The following NUDT12 variants were observed in gnomAD, a reference collection of about 807,000 sequenced individuals.
NUDT12 encodes the protein nudix hydrolase 12.
In NUDT12, 42 loss-of-function variants were observed where a neutral mutation model predicts 45.7. That is an observed-to-expected ratio of 0.92 (90% CI 0.72 to 1.19). The LOEUF is 1.19. Among genes scored for constraint, NUDT12 ranks in the 50% most tolerant of loss-of-function variants. The probability of loss-of-function intolerance (pLI) is 0.00; values close to 1 mark genes in which losing one functional copy is unlikely to be tolerated. For synonymous variants in NUDT12, 206 were observed against 179.7 expected (o/e 1.15, Z -1.17); for missense variants, 590 against 533.1 (o/e 1.11, Z -1.05).
At chr5:103,560,619 A>C (rs1157936662) in intron 1 of NUDT12, among the ~76,000 whole-genome samples, 2 of 152,126 alleles carry the variant, frequency 1.3e-5, no homozygotes, top group Non-Finnish European at 2.9e-5. Context: ...GGAGAGCATT[A>C]AAACAGATGG....
Position 103,556,884 on chromosome 5 carries a change from T to G in NUDT12, c.797-786A>C, listed in dbSNP as rs529285458. Reference sequence around the variant, plus strand: ...AAATGAACAAAATAATAACAAAAATTCTAACATCGTTTAAACTGGGAAAAA... The same window carrying G: ...AAATGAACAAAATAATAACAAAAATGCTAACATCGTTTAAACTGGGAAAAA... On this transcript the variant is annotated intron_variant, in intron 3 of 6. Transcript: ENST00000230792. 3.3e-5 allele frequency among the ~76,000 whole-genome samples: 5 copies of G among 152,156 alleles called. No homozygotes were observed. In the South Asian group the frequency reaches 1.0e-3, roughly 32 times the overall value.
chr5:103,551,761 T>C (rs1220108116), intron 6 of NUDT12, among the ~76,000 whole-genome samples: 2 of 152,228 alleles, frequency 1.3e-5, no homozygotes, highest in Admixed American at 6.5e-5. Context: ...ATGTTTATTA[T>C]ACAGTTATGT....
chr5:103,554,888 G>A (rs188464532), intron 4 of NUDT12, 35 bp from the exon 5 acceptor site: 7 of 838,978 alleles, frequency 8.3e-6, no homozygotes, highest in Admixed American at 6.3e-5. Flanking sequence ...ATGAATGGCA[G>A]GAAAAACGAA....
At position 103,559,399 on chromosome 5, in the gene NUDT12, C is replaced by G; in HGVS notation, c.276G>C (p.Lys92Asn). The G allele has an allele frequency of 6.2e-7, 1 of 1,611,794 alleles. No homozygotes were observed. The highest frequency in any genetic ancestry group is 8.5e-7 in the Non-Finnish European group (1 of 1,179,054). ...CAGTAGCTAGTAAATTAGCTATATGCTTATAACCCCAAAATACAGCAATGT... is the reference window on the plus strand; with the variant it reads ...CAGTAGCTAGTAAATTAGCTATATGGTTATAACCCCAAAATACAGCAATGT... ...ALDIAVFWGY[K>N]HIANLLATAK... Residue 92 changes from lysine (K) to asparagine (N), a missense_variant, in exon 3 of 7, where the codon AAG (lysine) becomes AAC (asparagine). Coordinates refer to ENST00000230792, the MANE Select transcript of NUDT12 (RefSeq NM_031438.4).
At chr5:103,553,951 A>G (rs1040614971) in intron 5 of NUDT12, among the ~76,000 whole-genome samples, 1 of 151,976 alleles carries the variant, frequency 6.6e-6, no homozygotes, top group Non-Finnish European at 1.5e-5. Context: ...TCACTGTAAT[A>G]GTGTATTTTA....
At chr5:103,555,309 A>T (rs1748780334) in intron 4 of NUDT12, among the ~76,000 whole-genome samples, 1 of 152,068 alleles carries the variant, frequency 6.6e-6, no homozygotes, top group Non-Finnish European at 1.5e-5. Context: ...AAATTTAAAT[A>T]ACAGTTCATC....
At chr5:103,557,072 G>T (rs1748845672) in intron 3 of NUDT12, among the ~76,000 whole-genome samples, 1 of 151,476 alleles carries the variant, frequency 6.6e-6, no homozygotes, top group Non-Finnish European at 1.5e-5. Flanking sequence ...ACCATGCAAG[G>T]AATTTTATAT....
Position 103,557,745 on chromosome 5 carries a change from CCTT to C in NUDT12, c.796+1131_796+1133del, listed in dbSNP as rs1234149239. Among the ~76,000 whole-genome samples the C allele has an allele frequency of 2.0e-5, 3 of 151,922 alleles. No individual in the cohort carries two copies. The East Asian group carries it at 5.9e-4, about 30-fold the overall frequency. On this transcript the variant is annotated intron_variant, in intron 3 of 6. Coordinates refer to ENST00000230792, the MANE Select transcript of NUDT12 (RefSeq NM_031438.4). ...CCTCATGGCCACACTGTTTCCAACT[CCTT>C]TGATGGCTCTCCTGCTTGCAGCTTA...
At chr5:103,561,140 T>C (rs1446020424) in intron 1 of NUDT12, among the ~76,000 whole-genome samples, 1 of 152,112 alleles carries the variant, frequency 6.6e-6, no homozygotes, top group Non-Finnish European at 1.5e-5. Context: ...GTATTTTTTT[T>C]TAAGGTATAA....
chr5:103,552,068 A>G (rs1451404563), intron 6 of NUDT12, 149 bp downstream of exon 6: 1 of 619,264 alleles, frequency 1.6e-6, no homozygotes, highest in East Asian at 2.7e-5. Flanking sequence ...CTCCTCCTGT[A>G]TGGAATTACT....
rs1342141878 is a variant in NUDT12, at chr5:103,554,840, G to A, written c.978C>T (p.Ile326=). ...TSYPRVDPVV[I]MQVIHPDGTK... is the part of the protein sequence containing the mutation. The stretch of plus-strand genomic sequence containing the variant: ...TCCCATCTGGATGAATAACTTGCAT[G>A]ATTACTACTGGATCTGTTGAAAAAA... Residue 326 remains isoleucine, a synonymous_variant, in exon 5 of 7, where the codon ATC becomes ATT. Transcript: ENST00000230792. 6.7e-7 allele frequency: 1 copy of A among 1,491,126 alleles called. No individual in the cohort carries two copies. The allele number at this position is 1,491,126 out of a possible 1,614,324, so 92.4% of individuals were successfully genotyped here.
In NUDT12 at chr5:103,559,001, A is replaced by G; in HGVS notation, c.674T>C (p.Val225Ala). The change falls in exon 3 of 7, where the codon GTT becomes GCT. Residue 225 changes from valine (V) to alanine (A), a missense_variant. Val to Ala is a moderately conservative substitution (Grantham distance 64). Transcript: ENST00000230792. ...ATCTATACCTAGAGCAAACCAGGCA[A>G]CCAATCCATCTTCCTCCTCTCTCGG... ...EVPREEEDGL[V>A]AWFALGIDPI... The G allele has an allele frequency of 1.2e-6, 2 of 1,613,872 alleles. No individual in the cohort carries two copies. The highest frequency in any genetic ancestry group is 1.1e-5 in the South Asian group (1 of 91,050).
At chr5:103,555,233 C>T (rs1288394222) in intron 4 of NUDT12, among the ~76,000 whole-genome samples, 2 of 152,022 alleles carry the variant, frequency 1.3e-5, no homozygotes, top group Admixed American at 1.3e-4. Flanking sequence ...TTTCCCTCTT[C>T]CATCCTAACC....
At position 103,549,745 on chromosome 5, in the gene NUDT12, A is replaced by C. The variant is rs1235949506; in HGVS notation, c.*1116T>G. 1 of 152,130 alleles carries C rather than the reference A, an allele frequency of 6.6e-6. No homozygotes were observed. Among genetic ancestry groups the C allele is most frequent in the East Asian group, 1.9e-4 (1 of 5,194 alleles). 9.4% of individuals were successfully genotyped at this position (152,130 alleles called of 1,614,324 possible). On this transcript the variant is annotated 3_prime_UTR_variant, in exon 7 of 7. Coordinates refer to ENST00000230792, the MANE Select transcript of NUDT12 (RefSeq NM_031438.4). Reference sequence around the variant, plus strand: ...ATATTCATAAACTATAATAGCTATTAAATCAATTTCAAAATAGCCTTTCAA... The same window carrying C: ...ATATTCATAAACTATAATAGCTATTCAATCAATTTCAAAATAGCCTTTCAA...
At chr5:103,552,914 T>G (rs1445519080) in intron 5 of NUDT12, among the ~76,000 whole-genome samples, 1 of 152,114 alleles carries the variant, frequency 6.6e-6, no homozygotes, top group Admixed American at 6.6e-5. Flanking sequence ...TTTAATACTT[T>G]TTCTAAGCAA....
chr5:103,552,504 T>C, intron 5 of NUDT12, 88 bp from the exon 6 acceptor site: 1 of 976,088 alleles, frequency 1.0e-6, no homozygotes, highest in East Asian at 2.5e-5. Flanking sequence ...TGGAAATCAC[T>C]TTGGACAGAA....
chr5:103,559,002 C>G lies in NUDT12; in HGVS notation c.673G>C (p.Val225Leu). The G allele has an allele frequency of 1.2e-6, 2 of 1,613,794 alleles. No homozygotes were observed. The highest frequency in any genetic ancestry group is 1.7e-6 in the Non-Finnish European group (2 of 1,179,768). ...EVPREEEDGL[V>L]AWFALGIDPI... ...TCTATACCTAGAGCAAACCAGGCAA[C>G]CAATCCATCTTCCTCCTCTCTCGGG... The change falls in exon 3 of 7, where the codon GTT becomes CTT. Residue 225 changes from valine (V) to leucine (L), a missense_variant. Transcript: ENST00000230792.
In NUDT12 at chr5:103,560,050, C is replaced by T; in HGVS notation, c.199G>A (p.Glu67Lys). The change falls in exon 2 of 7, where the codon GAG becomes AAG. Residue 67 changes from glutamate to lysine, a missense_variant. Coordinates refer to ENST00000230792, the MANE Select transcript of NUDT12 (RefSeq NM_031438.4). Reference sequence around the variant, plus strand: ...ACAGCCTAAAATGTTTACCCTTTCTCAAGCAGAAATTGGACTATCTCTGGG... The same window carrying T: ...ACAGCCTAAAATGTTTACCCTTTCTTAAGCAGAAATTGGACTATCTCTGGG... ...GHPEIVQFLLEKGCDRSIVNK... is the reference protein window; with the variant it reads ...GHPEIVQFLLKKGCDRSIVNK... 1 of 1,611,576 alleles carries T rather than the reference C, an allele frequency of 6.2e-7. No homozygotes were observed. Among genetic ancestry groups the T allele is most frequent in the Non-Finnish European group, 8.5e-7 (1 of 1,177,742 alleles).
Position 103,552,085 on chromosome 5 carries a change from C to T in NUDT12, c.1278+132G>A, listed in dbSNP as rs1748670021. ...CCTCCTGTATGGAATTACTAATTACCATGTAATCCATGCATAATGAGAGGG... is the reference window on the plus strand; with the variant it reads ...CCTCCTGTATGGAATTACTAATTACTATGTAATCCATGCATAATGAGAGGG... On this transcript the variant is annotated intron_variant, in intron 6 of 6. Transcript: ENST00000230792. 7.7e-6 allele frequency: 5 copies of T among 651,668 alleles called. No individual in the cohort carries two copies. The East Asian group carries it at 1.1e-4, about 14-fold the overall frequency. 40.4% of individuals were successfully genotyped at this position (651,668 alleles called of 1,614,324 possible).
Sources: gnomAD v4.1 joint callset for allele counts (sites outside exome capture counted in the v4.1 genomes callset) on GRCh38, gnomAD v4.1.1 for gene constraint, MANE v1.5 for transcripts, NCBI Gene and HGNC (gene_info 2026-07-23, HGNC 2026-07-21) for gene names.